CCDC148: variants seen among roughly 807,000 people sequenced by gnomAD.
CCDC148 encodes the protein coiled-coil domain containing 148.
A neutral mutation model predicts 85.7 loss-of-function variants in CCDC148; 89 were observed. The ratio of observed to expected loss-of-function variants is 1.04; its 90% CI spans 0.87 to 1.24. The LOEUF is 1.24. Among genes scored for constraint, CCDC148 ranks in the 50% most tolerant of loss-of-function variants. The pLI, the probability that CCDC148 is intolerant of heterozygous loss-of-function variation, is 0.00. For missense variants in CCDC148, 692 were observed against 671.7 expected (o/e 1.03, Z -0.33); for synonymous variants, 230 against 213.9 (o/e 1.08, Z -0.66).
At chr2:158,210,606 G>A (rs1686512140) in intron 11 of CCDC148, among the ~76,000 whole-genome samples, 1 of 151,774 alleles carries the variant, frequency 6.6e-6, no homozygotes, top group Non-Finnish European at 1.5e-5. Flanking sequence ...AATCATAACA[G>A]TCTCTCAGAC....
At chr2:158,288,711 C>T in intron 9 of CCDC148, 2 of 383,666 alleles carry the variant, frequency 5.2e-6, no homozygotes, top group South Asian at 4.0e-5. Context: ...GTTCCAACCT[C>T]TGCCTGATAC....
chr2:158,318,247 C>T (rs1339866458), intron 7 of CCDC148, among the ~76,000 whole-genome samples: 1 of 152,188 alleles, frequency 6.6e-6, no homozygotes, highest in African/African-American at 2.4e-5. Flanking sequence ...CTGATCTTCC[C>T]TGGGTATGCA....
At chr2:158,282,610 T>C (rs1329037162) in intron 9 of CCDC148, among the ~76,000 whole-genome samples, 2 of 152,158 alleles carry the variant, frequency 1.3e-5, no homozygotes, top group Non-Finnish European at 2.9e-5. Flanking sequence ...TACAAACCAC[T>C]GCTCAATGAA....
chr2:158,430,050 C>T (rs561439229), intron 1 of CCDC148, among the ~76,000 whole-genome samples: 5 of 152,156 alleles, frequency 3.3e-5, no homozygotes, highest in Non-Finnish European at 4.4e-5. Flanking sequence ...TGAGTCTTTG[C>T]TGAATACTGA....
chr2:158,208,876 T>C (rs1277393540), intron 11 of CCDC148, among the ~76,000 whole-genome samples: 1 of 152,128 alleles, frequency 6.6e-6, no homozygotes, highest in South Asian at 2.1e-4. Flanking sequence ...TGCAAGGAGG[T>C]TGGACTAGAT....
chr2:158,453,539 C>T (rs536713392), intron 1 of CCDC148, among the ~76,000 whole-genome samples: 52 of 152,178 alleles, frequency 3.4e-4, no homozygotes, highest in Middle Eastern at 3.4e-3. Context: ...AAAAAGAAAA[C>T]CCCAAAATTA....
intron 11 of CCDC148, among the ~76,000 whole-genome samples, chr2:158,206,547 G>A (rs1479331632): frequency 6.6e-6 from 1 of 152,222 alleles, no homozygotes; most frequent in African/African-American, 2.4e-5. Flanking sequence ...CCATGCAAAT[G>A]TAATTTCAAT....
At chr2:158,202,126 T>A (rs552346991) in intron 11 of CCDC148, among the ~76,000 whole-genome samples, 2 of 152,176 alleles carry the variant, frequency 1.3e-5, no homozygotes, top group Non-Finnish European at 2.9e-5. Context: ...TTATGAATAA[T>A]TAAAATTTAG....
intron 11 of CCDC148, among the ~76,000 whole-genome samples, chr2:158,219,565 T>G (rs983690063): frequency 6.6e-6 from 1 of 152,222 alleles, no homozygotes; most frequent in African/African-American, 2.4e-5. Flanking sequence ...ACACAAGTGT[T>G]GCTGTGTCCA....
chr2:158,399,914 C>A (rs1255347513), intron 1 of CCDC148, among the ~76,000 whole-genome samples: 1 of 151,968 alleles, frequency 6.6e-6, no homozygotes, highest in Non-Finnish European at 1.5e-5. Flanking sequence ...AACATACAAG[C>A]AAAGAGCCAA....
At chr2:158,376,305 T>G (rs994585532) in intron 1 of CCDC148, among the ~76,000 whole-genome samples, 4 of 151,836 alleles carry the variant, frequency 2.6e-5, no homozygotes. Context: ...AAGAAAAAAA[T>G]CCTCAGAAAG....
intron 11 of CCDC148, among the ~76,000 whole-genome samples, chr2:158,217,410 T>G (rs1686940760): frequency 7.0e-6 from 1 of 143,680 alleles, no homozygotes; most frequent in South Asian, 2.2e-4. Context: ...ACACATACAT[T>G]TCATTTTTTT....
At chr2:158,176,348 A>G (rs1208043382) in intron 13 of CCDC148, among the ~76,000 whole-genome samples, 173 bp downstream of exon 13, 1 of 152,098 alleles carries the variant, frequency 6.6e-6, no homozygotes, top group Non-Finnish European at 1.5e-5. Flanking sequence ...ACTAGTTTGT[A>G]ATATTAAGAA....
At chr2:158,242,234 C>T (rs11686383) in intron 10 of CCDC148, among the ~76,000 whole-genome samples, 10,988 of 152,106 alleles carry the variant, frequency 0.072, 565 homozygotes, top group Middle Eastern at 0.13. Flanking sequence ...AAACCACTGC[C>T]TCTCATTATT....
At chr2:158,180,912 G>A (rs1684868325) in intron 11 of CCDC148, among the ~76,000 whole-genome samples, 1 of 152,026 alleles carries the variant, frequency 6.6e-6, no homozygotes, top group African/African-American at 2.4e-5. Flanking sequence ...AGTCAATATA[G>A]TCAAGACACA....
At chr2:158,256,140 A>G (rs566905662) in intron 9 of CCDC148, among the ~76,000 whole-genome samples, 1 of 151,964 alleles carries the variant, frequency 6.6e-6, no homozygotes, top group East Asian at 1.9e-4. Context: ...ACATCAATGA[A>G]ACAATATTAA....
chr2:158,327,628 C>T (rs1365696013), intron 7 of CCDC148, among the ~76,000 whole-genome samples: 1 of 152,176 alleles, frequency 6.6e-6, no homozygotes, highest in Non-Finnish European at 1.5e-5. Flanking sequence ...TAATATAACA[C>T]AGCAATAGTC....
chr2:158,327,492 C>T (rs952610412), intron 7 of CCDC148, among the ~76,000 whole-genome samples: 5 of 152,146 alleles, frequency 3.3e-5, no homozygotes, highest in African/African-American at 1.2e-4. Flanking sequence ...TGCCTCACTC[C>T]TTGCTTCTTT....
chr2:158,340,056 G>A (rs993322373), intron 5 of CCDC148, among the ~76,000 whole-genome samples, 186 bp downstream of exon 5: 2 of 152,126 alleles, frequency 1.3e-5, no homozygotes, highest in South Asian at 2.1e-4. Flanking sequence ...GAGGGTGCTC[G>A]ACAGAGTTCA....
Sources: allele counts gnomAD v4.1 joint callset (sites outside exome capture counted in the v4.1 genomes callset), GRCh38; gene constraint gnomAD v4.1.1; transcripts MANE v1.5; gene names NCBI Gene and HGNC (gene_info 2026-07-23, HGNC 2026-07-21).